Variants in SYNPR observed in about 807,000 individuals in gnomAD.
The protein encoded by SYNPR is synaptoporin.
A neutral mutation model predicts 32.9 loss-of-function variants in SYNPR; 23 were observed. The ratio of observed to expected loss-of-function variants is 0.70; its 90% CI spans 0.50 to 0.99. SYNPR has a LOEUF of 0.99. SYNPR is among the 50% of genes least tolerant of loss of function. The pLI, the probability that SYNPR is intolerant of heterozygous loss-of-function variation, is 0.00. For missense variants in SYNPR, 318 were observed against 349.3 expected, an observed-to-expected ratio of 0.91 and a Z score of 0.71; for synonymous variants, 146 against 135.9, an observed-to-expected ratio of 1.07 and a Z score of -0.52.
intron 3 of SYNPR, among the ~76,000 whole-genome samples, chr3:63,519,153 T>A (rs1297415455): frequency 6.6e-6 from 1 of 152,220 alleles, no homozygotes; most frequent in Non-Finnish European, 1.5e-5. Flanking sequence ...TGCTGCTGGA[T>A]TCGGCCTGCT....
At chr3:63,378,754 G>A (rs1295889502) in intron 2 of SYNPR, among the ~76,000 whole-genome samples, 1 of 151,750 alleles carries the variant, frequency 6.6e-6, no homozygotes, top group Non-Finnish European at 1.5e-5. Context: ...AGTAATATAT[G>A]CCACCTCTCC....
intron 3 of SYNPR, among the ~76,000 whole-genome samples, chr3:63,525,649 G>A (rs767957278): frequency 3.6e-4 from 55 of 152,120 alleles, no homozygotes; most frequent in Admixed American, 4.6e-4. Flanking sequence ...GCATTTCTAC[G>A]ATGTGCTAGG....
At chr3:63,361,790 A>C (rs2087665984) in intron 2 of SYNPR, among the ~76,000 whole-genome samples, 1 of 150,158 alleles carries the variant, frequency 6.7e-6, no homozygotes, top group Admixed American at 6.7e-5. Flanking sequence ...ATTTCTACAA[A>C]TATATATATA....
In SYNPR at chr3:63,343,197, C is replaced by T. The variant is rs140372516; in HGVS notation, c.84+64455C>T. 2.9e-3 allele frequency among the ~76,000 whole-genome samples: 444 copies of T among 152,180 alleles called. 8 individuals are homozygous for T. Among genetic ancestry groups the T allele is most frequent in the Admixed American group, 0.028 (425 of 15,276 alleles). The stretch of plus-strand genomic sequence containing the variant: ...TGAATCTGGAGAGGAGGACAGAGAC[C>T]ACGGGATGCAGTAGCTTTGGGTCAT... On this transcript the variant is annotated intron_variant, in intron 2 of 5. Coordinates refer to ENST00000478300, the MANE Select transcript of SYNPR (RefSeq NM_001130003.2).
intron 3 of SYNPR, among the ~76,000 whole-genome samples, chr3:63,526,904 G>T (rs1421227944): frequency 6.6e-6 from 1 of 152,152 alleles, no homozygotes; most frequent in Non-Finnish European, 1.5e-5. Context: ...TGGTGAGTGG[G>T]ATTTGGAATC....
intron 2 of SYNPR, among the ~76,000 whole-genome samples, chr3:63,335,093 G>T (rs1164098104): frequency 6.6e-6 from 1 of 152,112 alleles, no homozygotes; most frequent in Non-Finnish European, 1.5e-5. Context: ...CGTGGCTCAC[G>T]CCTGTAATCC....
At chr3:63,477,702 A>T (rs1325160167) in intron 2 of SYNPR, among the ~76,000 whole-genome samples, 1 of 152,094 alleles carries the variant, frequency 6.6e-6, no homozygotes, top group Non-Finnish European at 1.5e-5. Flanking sequence ...TCTGGGCACG[A>T]GCAAGCCGAG....
At chr3:63,441,355 A>G (rs944874146) in intron 2 of SYNPR, among the ~76,000 whole-genome samples, 1 of 152,104 alleles carries the variant, frequency 6.6e-6, no homozygotes, top group Non-Finnish European at 1.5e-5. Flanking sequence ...GCCAATGAGA[A>G]TTACTCACTG....
chr3:63,383,127 T>G (rs2087993851), intron 2 of SYNPR, among the ~76,000 whole-genome samples: 1 of 152,230 alleles, frequency 6.6e-6, no homozygotes, highest in Non-Finnish European at 1.5e-5. Context: ...AAGGATTTGT[T>G]TTCTTATTCA....
At chr3:63,202,856 T>C in the SYNPR span, among the ~76,000 whole-genome samples, 2 of 151,834 alleles carry the variant, frequency 1.3e-5, no homozygotes, top group African/African-American at 4.8e-5. Context: ...CCATGGAATG[T>C]TTTCCAAAAC....
intron 3 of SYNPR, among the ~76,000 whole-genome samples, chr3:63,522,619 T>C (rs1378394449): frequency 2.0e-5 from 3 of 152,204 alleles, no homozygotes; most frequent in Non-Finnish European, 1.5e-5. Flanking sequence ...TGTTTAGGTT[T>C]CCCAGGTGAT....
intron 1 of SYNPR, among the ~76,000 whole-genome samples, chr3:63,230,041 G>A (rs2086155760): frequency 6.6e-6 from 1 of 152,074 alleles, no homozygotes; most frequent in Non-Finnish European, 1.5e-5. Context: ...ACCCAGCCCT[G>A]TACCTCCTTG....
intron 3 of SYNPR, among the ~76,000 whole-genome samples, chr3:63,499,997 T>G (rs1269300998): frequency 6.6e-6 from 1 of 152,186 alleles, no homozygotes; most frequent in East Asian, 1.9e-4. Context: ...GATTAAATTT[T>G]TTTAAAATTA....
At chr3:63,548,920 G>T (rs190859771) in intron 3 of SYNPR, among the ~76,000 whole-genome samples, 3 of 152,218 alleles carry the variant, frequency 2.0e-5, no homozygotes, top group Admixed American at 1.3e-4. Context: ...CCGGGTAAAA[G>T]GTTTTGTCAA....
intron 2 of SYNPR, among the ~76,000 whole-genome samples, chr3:63,411,718 CT>C (rs1168080237): frequency 2.0e-5 from 3 of 152,064 alleles, no homozygotes; most frequent in Non-Finnish European, 4.4e-5. Flanking sequence ...AACTGCAAAG[CT>C]GATGAACTTG....
At chr3:63,478,457 C>G (rs886749967) in intron 2 of SYNPR, among the ~76,000 whole-genome samples, 1 of 152,116 alleles carries the variant, frequency 6.6e-6, no homozygotes, top group Non-Finnish European at 1.5e-5. Context: ...TTAAGCTTCA[C>G]GCACACATGC....
chr3:63,443,523 T>G (rs766196844), intron 2 of SYNPR: 6 of 1,574,984 alleles, frequency 3.8e-6, no homozygotes, highest in African/African-American at 2.7e-5. Context: ...TGTGTGTGCA[T>G]GTATGTGTCT....
At chr3:63,254,687 T>A (rs899114389) in intron 2 of SYNPR, among the ~76,000 whole-genome samples, 2 of 152,224 alleles carry the variant, frequency 1.3e-5, no homozygotes, top group Non-Finnish European at 2.9e-5. Context: ...TTTAGCAGCA[T>A]CCTTGGTACT....
rs547993675 is a variant in SYNPR at position 63,260,017 on chromosome 3, C to T, written n.155-7300C>T. Among the ~76,000 whole-genome samples the T allele has an allele frequency of 4.8e-3, 724 of 152,146 alleles. 2 individuals carry two copies. The highest frequency in any genetic ancestry group is 0.016 in the African/African-American group (645 of 41,514). On this transcript the variant is annotated intron_variant and non_coding_transcript_variant, in intron 2 of 4. Coordinates refer to the SYNPR transcript ENST00000478456. The stretch of plus-strand genomic sequence containing the variant: ...ACCTAGGAATCCAACTTACAAGGGA[C>T]GCGAAGGACCTCTTCAAGGAGAACC...
Sources: allele counts gnomAD v4.1 joint callset (sites outside exome capture counted in the v4.1 genomes callset), GRCh38; gene constraint gnomAD v4.1.1; transcripts MANE v1.5; gene names NCBI Gene and HGNC (gene_info 2026-07-23, HGNC 2026-07-21).